Variants in CLCC1 observed in about 807,000 individuals in gnomAD.
CLCC1 encodes the protein chloride channel CLIC-like protein 1.
CLCC1 carries 39 observed loss-of-function variants against 63.3 expected under a neutral mutation model. The observed-to-expected ratio is 0.62, with a 90% confidence interval of 0.48 to 0.81. CLCC1 has a LOEUF of 0.81. Among genes scored for constraint, CLCC1 ranks in the 30% least tolerant of loss-of-function variants. The pLI is 0.00. For synonymous variants in CLCC1, 217 were observed against 239.8 expected (o/e 0.90, Z 0.88); for missense variants, 549 against 669.4 (o/e 0.82, Z 1.98).
Position 108,939,794 on chromosome 1 carries a change from G to A in CLCC1, c.895-12C>T, listed in dbSNP as rs1171915921. On this transcript the variant is annotated splice_polypyrimidine_tract_variant and intron_variant, in intron 9 of 12. Coordinates refer to ENST00000369969, the MANE Select transcript of CLCC1 (RefSeq NM_001377458.1). Reference sequence around the variant, plus strand: ...GTAACTGCAAGTGCCTAAAACGAGAGAAAAGCAACTTAATTTTCTCCTCAC... The same window carrying A: ...GTAACTGCAAGTGCCTAAAACGAGAAAAAAGCAACTTAATTTTCTCCTCAC... The A allele has an allele frequency of 1.9e-6, 3 of 1,611,370 alleles. No homozygotes were observed. Among genetic ancestry groups the A allele is most frequent in the Middle Eastern group, 1.6e-4 (1 of 6,062 alleles).
chr1:108,958,453 A>G (rs983997852), intron 2 of CLCC1, among the ~76,000 whole-genome samples: 1 of 151,538 alleles, frequency 6.6e-6, no homozygotes, highest in Non-Finnish European at 1.5e-5. Flanking sequence ...GTGGTATCTC[A>G]GTGCGTGTGT....
intron 2 of CLCC1, among the ~76,000 whole-genome samples, chr1:108,958,658 C>G (rs1299120017): frequency 6.8e-6 from 1 of 147,252 alleles, no homozygotes; most frequent in African/African-American, 2.6e-5. Context: ...GCAGGCGGAT[C>G]ACTTGAGCCC....
intron 11 of CLCC1, among the ~76,000 whole-genome samples, chr1:108,936,006 A>G (rs957815821): frequency 1.1e-4 from 16 of 151,506 alleles, no homozygotes; most frequent in African/African-American, 3.9e-4. Flanking sequence ...CTCAAGTGAG[A>G]TAGGAAGTCA....
Position 108,943,622 on chromosome 1 carries a change from AC to A in CLCC1, c.562-8del. The A allele has an allele frequency of 6.4e-7, 1 of 1,551,276 alleles. No homozygotes were observed. The highest frequency in any genetic ancestry group is 1.2e-5 in the South Asian group (1 of 84,648). ...AGAGCAGACAAAGAAGTACCTTAAA[AC>A]AGAGAGAAGCAGAAATCAGCCACCA... is the stretch of plus-strand genomic sequence containing the variant. On this transcript the variant is annotated splice_polypyrimidine_tract_variant and splice_region_variant and intron_variant, in intron 6 of 12. Coordinates refer to ENST00000369969, the MANE Select transcript of CLCC1 (RefSeq NM_001377458.1).
Position 108,931,299 on chromosome 1 carries a change from C to T in CLCC1, c.*1248G>A. 1 of 1,531,354 alleles carries T rather than the reference C, an allele frequency of 6.5e-7. No homozygotes were observed. Among genetic ancestry groups the T allele is most frequent in the South Asian group, 1.2e-5 (1 of 81,460 alleles). 94.9% of individuals were successfully genotyped at this position (1,531,354 alleles called of 1,614,324 possible). A position where few individuals can be genotyped will look rare whatever the true frequency, so the allele number is the denominator to read the frequency against. ...AACCTTAGTTGTCATTAAGCTTTGTCTTCCTTATCCCAGATATTGAAGGCA... is the reference window on the plus strand; with the variant it reads ...AACCTTAGTTGTCATTAAGCTTTGTTTTCCTTATCCCAGATATTGAAGGCA... On this transcript the variant is annotated 3_prime_UTR_variant, in exon 13 of 13. Coordinates refer to ENST00000369969, the MANE Select transcript of CLCC1 (RefSeq NM_001377458.1).
chr1:108,962,833 C>T (rs1291993452), intron 1 of CLCC1, among the ~76,000 whole-genome samples: 1 of 149,718 alleles, frequency 6.7e-6, no homozygotes, highest in Non-Finnish European at 1.5e-5. Context: ...ATAGCACCAC[C>T]GCACTCCAGC....
intron 2 of CLCC1, among the ~76,000 whole-genome samples, chr1:108,960,504 T>G (rs549580897): frequency 6.6e-6 from 1 of 152,256 alleles, no homozygotes; most frequent in Admixed American, 6.5e-5. Flanking sequence ...CTCTAAGTGG[T>G]TAAGAAGTAG....
rs1654708663 is a variant in CLCC1 at position 108,947,626 on chromosome 1, A to T, written c.324T>A (p.Ala108=). The T allele has an allele frequency of 1.2e-6, 2 of 1,607,146 alleles. No individual in the cohort carries two copies. Among genetic ancestry groups the T allele is most frequent in the Non-Finnish European group, 1.7e-6 (2 of 1,174,984 alleles). ...RRYLNKILIE[A]GKLGLPDENK... Reference sequence around the variant, plus strand: ...AAATACTCACAAGTCCAAGCTTTCCAGCTTCAATTAAAATCTTATTTAAGT... The same window carrying T: ...AAATACTCACAAGTCCAAGCTTTCCTGCTTCAATTAAAATCTTATTTAAGT... Residue 108 remains alanine, a synonymous_variant, in exon 5 of 13, where the codon GCT becomes GCA. Coordinates refer to ENST00000369969, the MANE Select transcript of CLCC1 (RefSeq NM_001377458.1).
intron 12 of CLCC1, 71 bp downstream of exon 12, chr1:108,934,554 T>C (rs1270945159): frequency 2.5e-6 from 3 of 1,213,368 alleles, no homozygotes; most frequent in African/African-American, 3.0e-5. Context: ...AATGTGAATG[T>C]TGAAGTTGGC....
chr1:108,956,995 T>A (rs1272496539), intron 2 of CLCC1, among the ~76,000 whole-genome samples: 1 of 150,966 alleles, frequency 6.6e-6, no homozygotes, highest in Non-Finnish European at 1.5e-5. Flanking sequence ...AGGGGCGTGA[T>A]AGAATCTGGT....
chr1:108,931,510 A>ACC lies in CLCC1; in HGVS notation c.*1035_*1036dup. The stretch of plus-strand genomic sequence containing the variant: ...GCTGGGATGGGATCTGGGGATGTGG[A>ACC]CCCCTATTCTTTCAAAAAGTCATTC... On this transcript the variant is annotated 3_prime_UTR_variant, in exon 13 of 13. Coordinates refer to ENST00000369969, the MANE Select transcript of CLCC1 (RefSeq NM_001377458.1). The ACC allele has an allele frequency of 6.5e-7, 1 of 1,536,848 alleles. No individual in the cohort carries two copies. The highest frequency in any genetic ancestry group is 8.8e-7 in the Non-Finnish European group (1 of 1,139,830).
rs755934535 is a variant in CLCC1 at position 108,939,790 on chromosome 1, G to A, written c.895-8C>T. On this transcript the variant is annotated splice_region_variant and splice_polypyrimidine_tract_variant and intron_variant, in intron 9 of 12. Coordinates refer to ENST00000369969, the MANE Select transcript of CLCC1 (RefSeq NM_001377458.1). ...GAATGTAACTGCAAGTGCCTAAAACGAGAGAAAAGCAACTTAATTTTCTCC... is the reference window on the plus strand; with the variant it reads ...GAATGTAACTGCAAGTGCCTAAAACAAGAGAAAAGCAACTTAATTTTCTCC... 5.4e-5 allele frequency: 87 copies of A among 1,611,712 alleles called. No individual in the cohort carries two copies. Among genetic ancestry groups the A allele is most frequent in the Middle Eastern group, 3.3e-4 (2 of 6,066 alleles).
rs1281708900 is a variant in CLCC1 at position 108,939,755 on chromosome 1, C to T, written c.922G>A (p.Val308Ile). The T allele has an allele frequency of 5.0e-6, 8 of 1,614,052 alleles. No homozygotes were observed. Among genetic ancestry groups the T allele is most frequent in the Non-Finnish European group, 3.4e-6 (4 of 1,179,988 alleles). The change falls in exon 10 of 13, where the codon GTA becomes ATA. Residue 308 changes from valine to isoleucine, a missense_variant. By Grantham distance (29) the Val-to-Ile change is conservative (BLOSUM62 3). Coordinates refer to ENST00000369969, the MANE Select transcript of CLCC1 (RefSeq NM_001377458.1). ...CCAATATGCTTCAATGGCTCCGTTA[C>T]AAATGTGGTGAATGTAACTGCAAGT... ...KALAVTFTTF[V>I]TEPLKHIGKG...
At chr1:108,959,837 C>T (rs1425995304) in intron 2 of CLCC1, among the ~76,000 whole-genome samples, 2 of 152,114 alleles carry the variant, frequency 1.3e-5, no homozygotes, top group Admixed American at 1.3e-4. Context: ...ATAAATAGAA[C>T]AATAGTTTCT....
At chr1:108,956,083 CAT>C (rs1655849112) in intron 2 of CLCC1, among the ~76,000 whole-genome samples, 2 of 151,674 alleles carry the variant, frequency 1.3e-5, no homozygotes, top group African/African-American at 4.9e-5. Flanking sequence ...TAAGACAGAA[CAT>C]ATGTTTGTGG....
chr1:108,957,743 A>T (rs1415729598), intron 2 of CLCC1, among the ~76,000 whole-genome samples: 1 of 151,382 alleles, frequency 6.6e-6, no homozygotes, highest in Non-Finnish European at 1.5e-5. Flanking sequence ...GGATATAGTA[A>T]ATCTGAAGTG....
At chr1:108,941,240 A>G (rs1353372287) in intron 8 of CLCC1, among the ~76,000 whole-genome samples, 165 bp downstream of exon 8, 1 of 152,242 alleles carries the variant, frequency 6.6e-6, no homozygotes, top group Admixed American at 6.5e-5. Context: ...TTAGATGAGC[A>G]TAAAAAGTCA....
intron 2 of CLCC1, among the ~76,000 whole-genome samples, chr1:108,957,802 G>C (rs931259675): frequency 6.6e-6 from 1 of 151,350 alleles, no homozygotes; most frequent in Admixed American, 6.6e-5. Context: ...TGAAGCTAAG[G>C]AGAGCAGTGG....
Position 108,943,999 on chromosome 1 carries a change from GT to G in CLCC1, c.397del (p.Thr133LeufsTer3), listed in dbSNP as rs1361011476. On this transcript the variant is annotated frameshift_variant, in exon 6 of 13. Transcript: ENST00000369969. LOFTEE classifies it high-confidence loss of function. ...YDAEIILKRETLLEIQKFLNG... is the reference protein window; with the variant it reads ...YDAEIILKREXLLEIQKFLNG... ...GAGAAACTTCTGTATTTCTAACAAAGTTTCTCTTTTAAGGATAATCTCAGCA... is the reference window on the plus strand; with the variant it reads ...GAGAAACTTCTGTATTTCTAACAAAGTTCTCTTTTAAGGATAATCTCAGCA... The G allele has an allele frequency of 6.2e-7, 1 of 1,613,320 alleles. No homozygotes were observed. Among genetic ancestry groups the G allele is most frequent in the African/African-American group, 1.3e-5 (1 of 74,840 alleles).
Sources: gnomAD v4.1 joint callset for allele counts (sites outside exome capture counted in the v4.1 genomes callset) on GRCh38, gnomAD v4.1.1 for gene constraint, MANE v1.5 for transcripts, NCBI Gene and HGNC (gene_info 2026-07-23, HGNC 2026-07-21) for gene names.